SMC1A: variants seen among roughly 807,000 people sequenced by gnomAD.
The protein encoded by SMC1A is structural maintenance of chromosomes protein 1A.
Under a neutral mutation model 94.5 loss-of-function variants are expected in SMC1A, and 4 were observed. That is an observed-to-expected ratio of 0.04 (90% CI 0.02 to 0.10). SMC1A has a LOEUF of 0.10. SMC1A is among the 10% of genes least tolerant of loss of function. The pLI is 1.00. For missense variants in SMC1A, 304 were observed against 989.0 expected (o/e 0.31, Z 9.29); for synonymous variants, 345 against 347.7 (o/e 0.99, Z 0.09).
chrX:53,409,552 G>A (rs781927445), intron 7 of SMC1A, 49 bp from the exon 8 acceptor site: 15 of 1,006,785 alleles, frequency 1.5e-5, no homozygotes, highest in Non-Finnish European at 2.1e-5. Flanking sequence ...TTTACGCCAA[G>A]ACCATGGGGG....
intron 19 of SMC1A, among the ~76,000 whole-genome samples, chrX:53,394,144 C>CA: frequency 1.4e-5 from 1 of 73,871 alleles, no homozygotes; most frequent in Non-Finnish European, 2.4e-5. Context: ...AAGAGTGAAA[C>CA]TCCGTCTCAA....
chrX:53,394,876 C>G lies in SMC1A; in HGVS notation c.2875G>C (p.Gly959Arg). The G allele has an allele frequency of 8.5e-7, 1 of 1,181,370 alleles. No homozygotes were observed. Among genetic ancestry groups the G allele is most frequent in the Non-Finnish European group, 1.2e-6 (1 of 867,914 alleles). ...TGTGAACCACTCACTGAGTCCTCCC[C>G]CTGGGAGCTACCCTGCAATGGCAAC... is the stretch of plus-strand genomic sequence containing the variant. ...DISQEEGSSQGEDSVSGSQRI... is the reference protein window; with the variant it reads ...DISQEEGSSQREDSVSGSQRI... The change falls in exon 19 of 25, where the codon GGG (glycine) becomes CGG (arginine). Residue 959 changes from glycine to arginine, a missense_variant. Gly to Arg is a moderately radical substitution (Grantham distance 125). Around this residue, in one of 11 missense-constraint regions of SMC1A, gnomAD observed 22 missense variants for 17.5 expected, o/e 1.26. Coordinates refer to ENST00000322213, the MANE Select transcript of SMC1A (RefSeq NM_006306.4).
At chrX:53,402,705 A>T (rs186230787) in intron 15 of SMC1A, among the ~76,000 whole-genome samples, 4 of 98,924 alleles carry the variant, frequency 4.0e-5, no homozygotes, top group African/African-American at 1.5e-4. Flanking sequence ...TCTACTAATA[A>T]GAAAAATTAG....
chrX:53,403,092 G>C (rs782791198), intron 15 of SMC1A, among the ~76,000 whole-genome samples: 14 of 94,661 alleles, frequency 1.5e-4, no homozygotes, highest in Non-Finnish European at 2.0e-4. Context: ...AGGAGGCTGA[G>C]GTGGGAGGAC....
At chrX:53,414,510 C>T (rs782315448) in intron 3 of SMC1A, among the ~76,000 whole-genome samples, 1 of 111,625 alleles carries the variant, frequency 9.0e-6, no homozygotes. Flanking sequence ...AGTTTAAGAA[C>T]CACCATTGTA....
In SMC1A at chrX:53,409,070, C is replaced by G; in HGVS notation, c.1537G>C (p.Gly513Arg). The G allele has an allele frequency of 8.3e-7, 1 of 1,210,505 alleles. No homozygotes were observed. The highest frequency in any genetic ancestry group is 1.1e-6 in the Non-Finnish European group (1 of 894,716). ...IMESIKRLYP[G>R]SVYGRLIDLC... ...TCCCTCTCTGCTCTTACCACAGAGC[C>G]AGGGTAAAGGCGCTTGATGCTTTCC... Residue 513 changes from glycine (G) to arginine (R), a missense_variant, in exon 9 of 25, where the codon GGC becomes CGC. This residue lies in a region of SMC1A where 57 missense variants were observed against 278.1 expected (regional missense o/e 0.20). Coordinates refer to ENST00000322213, the MANE Select transcript of SMC1A (RefSeq NM_006306.4).
At chrX:53,418,376 C>G (rs1311118555) in intron 1 of SMC1A, among the ~76,000 whole-genome samples, 1 of 111,594 alleles carries the variant, frequency 9.0e-6, no homozygotes, top group Admixed American at 9.5e-5. Flanking sequence ...CTCAAGTGAT[C>G]CACCCACCTC....
rs1372039484 is a variant in SMC1A at position 53,422,173 on chromosome X, G to A, written c.109+319C>T. The A allele has an allele frequency of 9.8e-6, 7 of 712,977 alleles. No homozygotes were observed. The East Asian group carries it at 1.0e-4, about 10-fold the overall frequency. 58.8% of individuals were successfully genotyped at this position (712,977 alleles called of 1,213,427 possible). On this transcript the variant is annotated intron_variant, in intron 1 of 24. Coordinates refer to ENST00000322213, the MANE Select transcript of SMC1A (RefSeq NM_006306.4). ...TCCGGCGGGGAGCCGCGCGGCGGAG[G>A]ACTGAGCTGGCGGGAAGCTGGTTCC...
intron 16 of SMC1A, among the ~76,000 whole-genome samples, chrX:53,397,526 A>T (rs1296876792): frequency 1.8e-5 from 2 of 111,372 alleles, no homozygotes; most frequent in African/African-American, 6.5e-5. Context: ...GGTTGCAGTC[A>T]GCTGAGATCG....
chrX:53,382,203 C>G (rs782308470), intron 22 of SMC1A, 29 bp downstream of exon 22: 55 of 1,207,693 alleles, frequency 4.6e-5, no homozygotes, highest in Non-Finnish European at 5.6e-5. Context: ...TCAGTCTCTT[C>G]GTCAACTGCC....
intron 7 of SMC1A, among the ~76,000 whole-genome samples, chrX:53,411,268 A>C (rs142643806): frequency 9.0e-6 from 1 of 111,336 alleles, no homozygotes; most frequent in African/African-American, 3.3e-5. Flanking sequence ...AACAGATGTG[A>C]GCTACTGTCA....
intron 19 of SMC1A, among the ~76,000 whole-genome samples, chrX:53,390,404 C>T (rs1268997196): frequency 9.3e-6 from 1 of 107,935 alleles, no homozygotes; most frequent in Non-Finnish European, 1.9e-5. Flanking sequence ...AAGAGAATCG[C>T]TTGAACCTGG....
rs782133651 is a variant in SMC1A, at chrX:53,413,907, T to C, written c.412-472A>G. ...GCCTAGCCAAAATGGTAAAACTCCA[T>C]CTCTACCCAAAATACAAAAATTAGC... On this transcript the variant is annotated intron_variant, in intron 3 of 24. Coordinates refer to ENST00000322213, the MANE Select transcript of SMC1A (RefSeq NM_006306.4). Among the ~76,000 whole-genome samples, 19 of 109,737 alleles carry C rather than the reference T, an allele frequency of 1.7e-4. No homozygotes were observed. In the Admixed American group the frequency reaches 1.9e-3, roughly 11 times the overall value.
At chrX:53,387,200 T>C (rs1406889852) in intron 19 of SMC1A, among the ~76,000 whole-genome samples, 5 of 111,734 alleles carry the variant, frequency 4.5e-5, no homozygotes, top group Non-Finnish European at 9.4e-5. Context: ...TTTCACCATG[T>C]TAGCCAGGAT....
intron 7 of SMC1A, among the ~76,000 whole-genome samples, chrX:53,411,551 C>T (rs150511607): frequency 1.2e-3 from 134 of 111,099 alleles, no homozygotes; most frequent in African/African-American, 4.1e-3. Flanking sequence ...GATCACATCA[C>T]TGCACTCCAG....
intron 19 of SMC1A, among the ~76,000 whole-genome samples, chrX:53,388,984 A>G (rs782103358): frequency 2.0e-5 from 2 of 98,176 alleles, no homozygotes; most frequent in East Asian, 3.1e-4. Context: ...GCGACAGAGC[A>G]AGACTCCATC....
At chrX:53,394,445 G>C (rs1556887683) in intron 19 of SMC1A, among the ~76,000 whole-genome samples, 1 of 111,176 alleles carries the variant, frequency 9.0e-6, no homozygotes, top group Admixed American at 9.6e-5. Flanking sequence ...GAACACCTGA[G>C]GTCAATCTGT....
Position 53,378,904 on chromosome X carries a change from C to T in SMC1A, c.*1199G>A, listed in dbSNP as rs1238767430. 8.9e-6 allele frequency: 1 copy of T among 111,760 alleles called. No homozygotes were observed. Among genetic ancestry groups the T allele is most frequent in the African/African-American group, 3.3e-5 (1 of 30,737 alleles). 9.2% of individuals were successfully genotyped at this position (111,760 alleles called of 1,213,427 possible). On this transcript the variant is annotated 3_prime_UTR_variant, in exon 25 of 25. Coordinates refer to ENST00000322213, the MANE Select transcript of SMC1A (RefSeq NM_006306.4). ...AGATTGGGGCTCAGGCACCCGGTTA[C>T]CAGACATGATTGAAGCTACAGGTTT...
At chrX:53,409,625 C>T in intron 7 of SMC1A, 122 bp from the exon 8 acceptor site, 2 of 570,401 alleles carry the variant, frequency 3.5e-6, no homozygotes, top group Non-Finnish European at 6.2e-6. Context: ...GACAATCTGT[C>T]ACTAATATAG....
Sources: gnomAD v4.1 joint callset for allele counts (sites outside exome capture counted in the v4.1 genomes callset) on GRCh38, gnomAD v4.1.1 for gene constraint, gnomAD v4.1.1 regional missense constraint, MANE v1.5 for transcripts, NCBI Gene and HGNC (gene_info 2026-07-23, HGNC 2026-07-21) for gene names.